Variants in TMTC4 observed in about 807,000 individuals in gnomAD.
The protein encoded by TMTC4 is transmembrane O-mannosyltransferase targeting cadherins 4.
In TMTC4, 65 loss-of-function variants were observed where a neutral mutation model predicts 86.0. The ratio of observed to expected loss-of-function variants is 0.76; its 90% confidence interval spans 0.62 to 0.93. TMTC4 has a LOEUF of 0.93. TMTC4 is among the 40% of genes least tolerant of loss of function. The pLI is 0.00. For missense variants in TMTC4, 866 were observed against 948.1 expected (o/e 0.91, Z 1.14); for synonymous variants, 379 against 382.5 (o/e 0.99, Z 0.11).
chr13:100,619,868 T>C (rs1182222362), intron 15 of TMTC4, among the ~76,000 whole-genome samples: 1 of 152,206 alleles, frequency 6.6e-6, no homozygotes, highest in Non-Finnish European at 1.5e-5. Context: ...TTGGACAAAA[T>C]CCATGGCAAC....
intron 6 of TMTC4, among the ~76,000 whole-genome samples, chr13:100,646,311 T>C (rs1232330363): frequency 2.6e-5 from 4 of 152,182 alleles, no homozygotes; most frequent in African/African-American, 9.7e-5. Flanking sequence ...GGGCAGTATA[T>C]GTTCAGTGAG....
In TMTC4 at chr13:100,664,321, T is replaced by C. The variant is rs372140074; in HGVS notation, c.235A>G (p.Thr79Ala). The C allele has an allele frequency of 4.3e-6, 7 of 1,609,456 alleles. No homozygotes were observed. The African/African-American group carries it at 8.1e-5, about 19-fold the overall frequency. ...IVNNKDLQAE[T>A]PLGDLWHHDF... The stretch of plus-strand genomic sequence containing the variant: ...TGATGCCACAGGTCCCCCAGGGGCG[T>C]TTCTGCTTGGAGGTCCTGCAGGGTC... Residue 79 changes from threonine to alanine, a missense_variant, in exon 4 of 19, where the codon ACG becomes GCG. Coordinates refer to ENST00000342624, the MANE Select transcript of TMTC4 (RefSeq NM_032813.5).
chr13:100,606,052 C>G (rs1021948630), intron 18 of TMTC4, among the ~76,000 whole-genome samples: 1 of 152,178 alleles, frequency 6.6e-6, no homozygotes, highest in East Asian at 1.9e-4. Flanking sequence ...GAGAACTCTT[C>G]GCAACCATAG....
chr13:100,656,560 T>TTTTTTTTTTTTG lies in TMTC4; in HGVS notation c.553-93_553-92insCAAAAAAAAAAA, dbSNP rs1885145547. ...GACATAACTTTTTTTTTTTTTTTTT[T>TTTTTTTTTTTTG]GCGACAGGGTCTCACTCTGCCACCC... On this transcript the variant is annotated intron_variant, in intron 5 of 18. Transcript: ENST00000342624. 4 of 674,380 alleles carry TTTTTTTTTTTTG rather than the reference T, an allele frequency of 5.9e-6. No individual in the cohort carries two copies. The African/African-American group carries it at 8.8e-5, about 15-fold the overall frequency. The allele number at this position is 674,380 out of a possible 1,614,324, so 41.8% of individuals were successfully genotyped here.
chr13:100,642,278 C>A lies in TMTC4; in HGVS notation c.674G>T (p.Trp225Leu). Residue 225 changes from tryptophan to leucine, a missense_variant, in exon 7 of 19, where the codon TGG becomes TTG. Coordinates refer to ENST00000342624, the MANE Select transcript of TMTC4 (RefSeq NM_032813.5). Reference sequence around the variant, plus strand: ...TCCCAGAAAGATACTCAGCAGCACCCAGAAGGTGGAAGAATGCGCTCCCTC... The same window carrying A: ...TCCCAGAAAGATACTCAGCAGCACCAAGAAGGTGGAAGAATGCGCTCCCTC... Reference protein sequence around the residue: ...NKEGAHSSTFWVLLSIFLGAV... With the variant: ...NKEGAHSSTFLVLLSIFLGAV... 1 of 1,614,212 alleles carries A rather than the reference C, an allele frequency of 6.2e-7. No individual in the cohort carries two copies. Among genetic ancestry groups the A allele is most frequent in the South Asian group, 1.1e-5 (1 of 91,080 alleles).
intron 6 of TMTC4, among the ~76,000 whole-genome samples, chr13:100,647,419 C>T (rs2138945963): frequency 6.6e-6 from 1 of 152,148 alleles, no homozygotes; most frequent in Admixed American, 6.5e-5. Context: ...CTCCACCCCA[C>T]CCCATCCCAT....
At position 100,656,419 on chromosome 13, in the gene TMTC4, A is replaced by G. The variant is rs888362930; in HGVS notation, c.602T>C (p.Leu201Ser). The change falls in exon 6 of 19, where the codon TTG becomes TCG. Residue 201 changes from leucine (L) to serine (S), a missense_variant. Coordinates refer to ENST00000342624, the MANE Select transcript of TMTC4 (RefSeq NM_032813.5). ...TTTACAGTAGCCAAGGAAAGATAAC[A>G]AGAAGAACAGGGCACACAGGAGGTC... ...RADLLCALFFLLSFLGYCKAF... is the reference protein window; with the variant it reads ...RADLLCALFFSLSFLGYCKAF... 1 of 1,613,518 alleles carries G rather than the reference A, an allele frequency of 6.2e-7. No homozygotes were observed. Among genetic ancestry groups the G allele is most frequent in the African/African-American group, 1.3e-5 (1 of 75,010 alleles).
At chr13:100,645,705 T>G (rs1883642936) in intron 6 of TMTC4, among the ~76,000 whole-genome samples, 1 of 152,230 alleles carries the variant, frequency 6.6e-6, no homozygotes, top group Non-Finnish European at 1.5e-5. Flanking sequence ...TGTAGTGCTC[T>G]AAACTGCCCT....
chr13:100,626,225 A>G, intron 12 of TMTC4, 75 bp from the exon 13 acceptor site: 1 of 1,447,636 alleles, frequency 6.9e-7, no homozygotes, highest in Non-Finnish European at 9.7e-7. Flanking sequence ...ACATCTTCTA[A>G]CTGAAGACAA....
rs1262432214 is a variant in TMTC4 at position 100,642,311 on chromosome 13, C to T, written c.641G>A (p.Ser214Asn). Reference sequence around the variant, plus strand: ...GGAAGAATGCGCTCCCTCCTTGTTACCTGCCAATTAAGAGAAATGATCAGT... The same window carrying T: ...GGAAGAATGCGCTCCCTCCTTGTTATCTGCCAATTAAGAGAAATGATCAGT... The part of the protein sequence containing the change: ...FLGYCKAFRE[S>N]NKEGAHSSTF... Residue 214 changes from serine to asparagine, a missense_variant and splice_region_variant, in exon 7 of 19, where the codon AGT (serine) becomes AAT (asparagine). Ser to Asn is a conservative substitution (Grantham distance 46). Transcript: ENST00000342624. 2 of 1,614,058 alleles carry T rather than the reference C, an allele frequency of 1.2e-6. No homozygotes were observed. Among genetic ancestry groups the T allele is most frequent in the African/African-American group, 1.3e-5 (1 of 74,938 alleles).
intron 6 of TMTC4, among the ~76,000 whole-genome samples, chr13:100,652,220 T>C (rs908996375): frequency 6.6e-6 from 1 of 152,002 alleles, no homozygotes; most frequent in Admixed American, 6.6e-5. Flanking sequence ...TGGCTCAGCC[T>C]GTAATCCCAG....
intron 1 of TMTC4, among the ~76,000 whole-genome samples, chr13:100,672,683 G>A (rs1377300412): frequency 6.6e-6 from 1 of 152,016 alleles, no homozygotes; most frequent in Non-Finnish European, 1.5e-5. Context: ...GTAGAGACAG[G>A]GTCTCACTAT....
intron 3 of TMTC4, among the ~76,000 whole-genome samples, chr13:100,664,977 A>T (rs978844506): frequency 1.3e-5 from 2 of 152,238 alleles, no homozygotes; most frequent in African/African-American, 2.4e-5. Context: ...CTATTAAATA[A>T]GGTAACTTAC....
intron 12 of TMTC4, among the ~76,000 whole-genome samples, chr13:100,627,832 C>A (rs183792121): frequency 6.6e-6 from 1 of 152,036 alleles, no homozygotes; most frequent in Non-Finnish European, 1.5e-5. Context: ...TGAAACAAAT[C>A]CCGTGGTGGG....
chr13:100,628,782 A>C (rs1329104585), intron 12 of TMTC4, among the ~76,000 whole-genome samples: 1 of 152,166 alleles, frequency 6.6e-6, no homozygotes, highest in Non-Finnish European at 1.5e-5. Flanking sequence ...AGAATAAATG[A>C]CAAAGAAAAA....
Position 100,646,035 on chromosome 13 carries a change from C to A in TMTC4, c.641-3724G>T, listed in dbSNP as rs375814605. ...TGAGAACCATTGCCCTAAACCAGTG[C>A]CACTCACGGGTGTGTGGTCCATGAA... On this transcript the variant is annotated intron_variant, in intron 6 of 18. Transcript: ENST00000342624. Among the ~76,000 whole-genome samples the A allele has an allele frequency of 9.2e-5, 14 of 152,232 alleles. No homozygotes were observed. The East Asian group carries it at 2.1e-3, about 23-fold the overall frequency.
At chr13:100,674,182 C>T in intron 1 of TMTC4, 1 of 773,124 alleles carries the variant, frequency 1.3e-6, no homozygotes, top group Non-Finnish European at 1.6e-6. Context: ...GCGCCCGGGC[C>T]GGTGGCCCCG....
At chr13:100,621,200 T>C (rs188212567) in intron 15 of TMTC4, among the ~76,000 whole-genome samples, 204 of 152,342 alleles carry the variant, frequency 1.3e-3, no homozygotes, top group Non-Finnish European at 9.6e-4. Context: ...TTCCTCCCTT[T>C]GGACATCATT....
intron 8 of TMTC4, 75 bp downstream of exon 8, chr13:100,637,855 T>C: frequency 6.5e-7 from 1 of 1,542,634 alleles, no homozygotes; most frequent in East Asian, 2.3e-5. Context: ...CAAGGAATAT[T>C]TGAGAATGGC....
Sources: allele counts gnomAD v4.1 joint callset (sites outside exome capture counted in the v4.1 genomes callset), GRCh38; gene constraint gnomAD v4.1.1; transcripts MANE v1.5; gene names NCBI Gene and HGNC (gene_info 2026-07-23, HGNC 2026-07-21).